Variants in HNF1A observed in about 807,000 individuals in gnomAD.
HNF1A encodes hepatocyte nuclear factor 1-alpha.
In HNF1A, 21 loss-of-function variants were observed where a neutral mutation model predicts 62.2. The ratio of observed to expected loss-of-function variants is 0.34; its 90% CI spans 0.24 to 0.49. HNF1A has a LOEUF of 0.49. Ranked by LOEUF, HNF1A falls within the 20% of genes least tolerant of loss-of-function variation. HNF1A has a pLI of 0.99. For synonymous variants in HNF1A, 374 were observed against 366.8 expected (o/e 1.02, Z -0.22); for missense variants, 687 against 832.3 (o/e 0.83, Z 2.15).
At chr12:120,982,848 C>T (rs1355919479) in intron 1 of HNF1A, among the ~76,000 whole-genome samples, 1 of 152,160 alleles carries the variant, frequency 6.6e-6, no homozygotes, top group East Asian at 1.9e-4. Context: ...CCAGTCATTC[C>T]TGCTGTTTAA....
chr12:120,989,574 C>T (rs1270567005), intron 2 of HNF1A, among the ~76,000 whole-genome samples: 1 of 152,178 alleles, frequency 6.6e-6, no homozygotes, highest in Non-Finnish European at 1.5e-5. Context: ...TCCCTGCTTT[C>T]TCAGAGCCCA....
chr12:120,983,553 T>C (rs1472806133), intron 1 of HNF1A, among the ~76,000 whole-genome samples: 1 of 151,072 alleles, frequency 6.6e-6, no homozygotes, highest in African/African-American at 2.4e-5. Context: ...TTTCTTTCTT[T>C]TTTTTTTTTT....
In HNF1A at chr12:120,996,334, C is replaced by T; in HGVS notation, c.1028C>T (p.Thr343Ile). Residue 343 changes from threonine to isoleucine, a missense_variant, in exon 5 of 10, where the codon ACA becomes ATA. This residue lies in a region of HNF1A where 408 missense variants were observed against 455.3 expected (regional missense o/e 0.90). Coordinates refer to ENST00000257555, the MANE Select transcript of HNF1A (RefSeq NM_000545.8). The surrounding 1 kb of genome is among the most constrained non-coding windows in gnomAD (Gnocchi z 4.5). The stretch of plus-strand genomic sequence containing the variant: ...TCAAGCAGCGGCGGTCCCTTAGTGA[C>T]AGTGTCTACACCCCTCCACCAAGTG... Reference protein sequence around the residue: ...VPSSSGGPLVTVSTPLHQVSP... With the variant: ...VPSSSGGPLVIVSTPLHQVSP... 1 of 1,614,172 alleles carries T rather than the reference C, an allele frequency of 6.2e-7. No individual in the cohort carries two copies. The highest frequency in any genetic ancestry group is 8.5e-7 in the Non-Finnish European group (1 of 1,180,028).
intron 1 of HNF1A, among the ~76,000 whole-genome samples, chr12:120,987,702 T>C (rs941193361): frequency 1.3e-5 from 2 of 151,390 alleles, no homozygotes; most frequent in African/African-American, 4.9e-5. Flanking sequence ...ACAAGCAGAG[T>C]CCCACCCACC....
intron 1 of HNF1A, among the ~76,000 whole-genome samples, chr12:120,987,703 C>T (rs910244826): frequency 2.0e-5 from 3 of 151,892 alleles, no homozygotes; most frequent in Non-Finnish European, 4.4e-5. Context: ...CAAGCAGAGT[C>T]CCACCCACCT....
chr12:120,983,732 G>A (rs1425788436), intron 1 of HNF1A, among the ~76,000 whole-genome samples: 1 of 151,966 alleles, frequency 6.6e-6, no homozygotes, highest in Non-Finnish European at 1.5e-5. Flanking sequence ...TTTTAGTAGA[G>A]ACAGGGTTTC....
chr12:120,979,112 G>T lies in HNF1A; in HGVS notation c.326+18G>T. 6.3e-7 allele frequency: 1 copy of T among 1,594,770 alleles called. No individual in the cohort carries two copies. On this transcript the variant is annotated intron_variant, in intron 1 of 9. Transcript: ENST00000257555. ...CTTCTGCAGTAAGGAGCCCTGCCCCGTCCCCGCTCCCAGGAGAGCCTAGAG... is the reference window on the plus strand; with the variant it reads ...CTTCTGCAGTAAGGAGCCCTGCCCCTTCCCCGCTCCCAGGAGAGCCTAGAG...
rs1876065079 is a variant in HNF1A, at chr12:120,978,608, T to G, written c.-161T>G. ...GGGCCGCTGGGGCCAGGGTTGGGGG[T>G]TGGGGGTGCCCACAGGGCTTGGCTA... is the stretch of plus-strand genomic sequence containing the variant. On this transcript the variant is annotated 5_prime_UTR_variant, in exon 1 of 10. Transcript: ENST00000257555. 4 of 689,274 alleles carry G rather than the reference T, an allele frequency of 5.8e-6. No homozygotes were observed. Among genetic ancestry groups the G allele is most frequent in the Non-Finnish European group, 7.8e-6 (3 of 385,224 alleles). The allele number at this position is 689,274 out of a possible 1,614,324, so 42.7% of individuals were successfully genotyped here.
rs1478071629 is a variant in HNF1A, at chr12:121,001,971, T to C, written c.*779T>C. 1.9e-6 allele frequency: 1 copy of C among 533,976 alleles called. No homozygotes were observed. The highest frequency in any genetic ancestry group is 1.9e-5 in the African/African-American group (1 of 53,890). The allele number at this position is 533,976 out of a possible 1,614,324, so 33.1% of individuals were successfully genotyped here. A position where few individuals can be genotyped will look rare whatever the true frequency, so the allele number is the denominator to read the frequency against. On this transcript the variant is annotated 3_prime_UTR_variant, in exon 10 of 10. Transcript: ENST00000257555. ...TCCTGCCTCTACTGGGAAGGCTACT[T>C]CGGGGCTGGGAAGTCGTCCTTACTC...
At chr12:120,982,456 CAGGA>C (rs370633633) in intron 1 of HNF1A, among the ~76,000 whole-genome samples, 32 of 138,558 alleles carry the variant, frequency 2.3e-4, no homozygotes, top group Non-Finnish European at 2.5e-4. Context: ...GTAGCCACGG[CAGGA>C]GGGGGGGGGG....
chr12:120,992,525 A>T (rs1313750157), intron 2 of HNF1A, among the ~76,000 whole-genome samples: 1 of 152,184 alleles, frequency 6.6e-6, no homozygotes, highest in East Asian at 1.9e-4. Context: ...TGTGTCTGCT[A>T]TAACAGAAAC....
intron 7 of HNF1A, among the ~76,000 whole-genome samples, chr12:120,998,830 T>C (rs1471477344): frequency 1.3e-5 from 2 of 151,560 alleles, no homozygotes; most frequent in African/African-American, 2.4e-5. Flanking sequence ...CTGAGTTTAG[T>C]ACAGTAGCAC....
Position 121,001,288 on chromosome 12 carries a change from C to T in HNF1A, c.*96C>T. The stretch of plus-strand genomic sequence containing the variant: ...TGGAGGACCTGAGCCTGCCGAGCAA[C>T]CGTGGCCCTTCCTGGACAGCTGTGC... On this transcript the variant is annotated 3_prime_UTR_variant, in exon 10 of 10. Coordinates refer to ENST00000257555, the MANE Select transcript of HNF1A (RefSeq NM_000545.8). 6.8e-7 allele frequency: 1 copy of T among 1,468,328 alleles called. No homozygotes were observed. The highest frequency in any genetic ancestry group is 1.9e-5 in the Admixed American group (1 of 53,838). 91.0% of individuals were successfully genotyped at this position (1,468,328 alleles called of 1,614,324 possible).
chr12:121,001,474 A>G lies in HNF1A; in HGVS notation c.*282A>G. 2.0e-6 allele frequency: 1 copy of G among 492,698 alleles called. No individual in the cohort carries two copies. The highest frequency in any genetic ancestry group is 3.7e-6 in the Non-Finnish European group (1 of 267,050). The allele number at this position is 492,698 out of a possible 1,614,324, so 30.5% of individuals were successfully genotyped here. A position where few individuals can be genotyped will look rare whatever the true frequency, so the allele number is the denominator to read the frequency against. On this transcript the variant is annotated 3_prime_UTR_variant, in exon 10 of 10. Coordinates refer to ENST00000257555, the MANE Select transcript of HNF1A (RefSeq NM_000545.8). The stretch of plus-strand genomic sequence containing the variant: ...GGACTGTCGCTGCTTCGTGGGATAC[A>G]GTCTTCTTACTTGGAACTGAAGGGG...
chr12:120,997,282 CAG>C, intron 6 of HNF1A, 190 bp from the exon 7 acceptor site: 1 of 1,410,114 alleles, frequency 7.1e-7, no homozygotes, highest in Non-Finnish European at 9.3e-7. Flanking sequence ...GCTAAAGGCT[CAG>C]AGAGGGGGAA....
chr12:120,997,036 A>C (rs2135846845), intron 6 of HNF1A: 2 of 1,453,228 alleles, frequency 1.4e-6, no homozygotes, highest in Non-Finnish European at 1.8e-6. Context: ...AGGGGGACTG[A>C]TGTTTTCTAA....
intron 2 of HNF1A, 59 bp downstream of exon 2, chr12:120,989,091 C>A: frequency 6.6e-7 from 1 of 1,512,628 alleles, no homozygotes; most frequent in African/African-American, 1.4e-5. Context: ...TCCCCTAACT[C>A]ATAGGTGGGG....
At chr12:120,994,586 T>A (rs962869266) in intron 4 of HNF1A, among the ~76,000 whole-genome samples, 181 bp downstream of exon 4, 1 of 152,004 alleles carries the variant, frequency 6.6e-6, no homozygotes, top group Non-Finnish European at 1.5e-5. Flanking sequence ...CTCATTCCAT[T>A]CACTCTACTC....
At chr12:120,987,865 C>T (rs1565883124) in intron 1 of HNF1A, among the ~76,000 whole-genome samples, 2 of 151,606 alleles carry the variant, frequency 1.3e-5, no homozygotes, top group African/African-American at 4.8e-5. Flanking sequence ...CTTTTCTTTT[C>T]TTTTTTTTGA....
Sources: gnomAD v4.1 joint callset for allele counts (sites outside exome capture counted in the v4.1 genomes callset) on GRCh38, gnomAD v4.1.1 for gene constraint, gnomAD v4.1.1 regional missense constraint, Gnocchi (gnomAD v3.1) non-coding constraint, MANE v1.5 for transcripts, NCBI Gene and HGNC (gene_info 2026-07-23, HGNC 2026-07-21) for gene names.